PPFIA2: variants seen among roughly 807,000 people sequenced by gnomAD.
The protein encoded by PPFIA2 is PPFI scaffold protein A2.
Under a neutral mutation model 175.5 loss-of-function variants are expected in PPFIA2, and 46 were observed. The observed-to-expected ratio is 0.26, with a 90% confidence interval of 0.21 to 0.34. PPFIA2 has a LOEUF of 0.34. Ranked by LOEUF, PPFIA2 falls within the 10% of genes least tolerant of loss-of-function variation. The pLI is 1.00. For missense variants in PPFIA2, 1,179 were observed against 1,506.1 expected (o/e 0.78, Z 3.60); for synonymous variants, 568 against 511.4 (o/e 1.11, Z -1.49).
chr12:81,267,292 T>C (rs750455665), intron 29 of PPFIA2: 4 of 482,980 alleles, frequency 8.3e-6, no homozygotes, highest in Non-Finnish European at 1.5e-5. Flanking sequence ...TATATTTCAA[T>C]TGAGTATTTT....
intron 3 of PPFIA2, among the ~76,000 whole-genome samples, chr12:81,724,969 C>T (rs2079861248): frequency 6.6e-6 from 1 of 151,012 alleles, no homozygotes; most frequent in African/African-American, 2.4e-5. Flanking sequence ...GGTCCTTTTT[C>T]TCCACACCCT....
At chr12:81,388,593 C>T (rs960271399) in intron 8 of PPFIA2, among the ~76,000 whole-genome samples, 1 of 151,894 alleles carries the variant, frequency 6.6e-6, no homozygotes, top group Non-Finnish European at 1.5e-5. Context: ...TACGGAGGCA[C>T]ATATATTTAT....
chr12:81,276,237 G>A (rs899409792), intron 28 of PPFIA2, among the ~76,000 whole-genome samples: 11 of 152,160 alleles, frequency 7.2e-5, no homozygotes, highest in African/African-American at 2.7e-4. Flanking sequence ...TGAACACAGA[G>A]TATGCAGTGA....
chr12:81,595,517 T>C (rs1011738639), intron 4 of PPFIA2, among the ~76,000 whole-genome samples: 1 of 152,024 alleles, frequency 6.6e-6, no homozygotes, highest in Non-Finnish European at 1.5e-5. Context: ...CACCTCTGAG[T>C]AGAAAACTGC....
chr12:81,498,145 T>C (rs909146540), intron 4 of PPFIA2, among the ~76,000 whole-genome samples: 1 of 152,226 alleles, frequency 6.6e-6, no homozygotes, highest in African/African-American at 2.4e-5. Flanking sequence ...TAATTTTAGA[T>C]GTATAAAAGA....
intron 4 of PPFIA2, among the ~76,000 whole-genome samples, chr12:81,622,242 C>A (rs1273367935): frequency 2.0e-5 from 3 of 152,146 alleles, no homozygotes; most frequent in Non-Finnish European, 4.4e-5. Flanking sequence ...TGACAAATTA[C>A]CACATAATAA....
At chr12:81,549,584 G>C (rs913481516) in intron 4 of PPFIA2, among the ~76,000 whole-genome samples, 5 of 151,796 alleles carry the variant, frequency 3.3e-5, no homozygotes, top group Admixed American at 2.6e-4. Flanking sequence ...CAACCTGGTC[G>C]CTCCAATGTT....
chr12:81,534,563 G>T (rs762559824), intron 4 of PPFIA2, among the ~76,000 whole-genome samples: 1 of 151,550 alleles, frequency 6.6e-6, no homozygotes, highest in Non-Finnish European at 1.5e-5. Flanking sequence ...TTTTAAAAAA[G>T]ACTATAAGGG....
At chr12:81,607,950 T>C (rs2060499117) in intron 4 of PPFIA2, among the ~76,000 whole-genome samples, 1 of 152,124 alleles carries the variant, frequency 6.6e-6, no homozygotes, top group African/African-American at 2.4e-5. Context: ...TGGCTCTTCT[T>C]ATTTTGAGGT....
intron 4 of PPFIA2, among the ~76,000 whole-genome samples, chr12:81,632,886 G>A (rs879853250): frequency 1.3e-5 from 2 of 151,890 alleles, no homozygotes; most frequent in African/African-American, 2.4e-5. Context: ...TGTGGACCCT[G>A]GCATTCTGAT....
At chr12:81,424,211 A>C (rs2046769046) in intron 7 of PPFIA2, among the ~76,000 whole-genome samples, 1 of 152,090 alleles carries the variant, frequency 6.6e-6, no homozygotes. Context: ...ATTTTGATTG[A>C]ATTACACCTA....
chr12:81,417,837 A>C (rs2143448100), intron 7 of PPFIA2, among the ~76,000 whole-genome samples: 1 of 151,910 alleles, frequency 6.6e-6, no homozygotes, highest in South Asian at 2.1e-4. Context: ...GAATAGTGAT[A>C]ATTCTATTTG....
chr12:81,512,664 T>TACA (rs2061941126), intron 4 of PPFIA2, among the ~76,000 whole-genome samples: 1 of 152,020 alleles, frequency 6.6e-6, no homozygotes, highest in African/African-American at 2.4e-5. Flanking sequence ...ATACTCAATA[T>TACA]GTAGTCTTTT....
intron 8 of PPFIA2, among the ~76,000 whole-genome samples, chr12:81,398,247 G>T (rs188920923): frequency 1.3e-5 from 2 of 152,004 alleles, no homozygotes; most frequent in East Asian, 3.9e-4. Context: ...AAAATTTGCT[G>T]GGGAAATATA....
intron 7 of PPFIA2, among the ~76,000 whole-genome samples, chr12:81,428,869 C>A (rs1206259511): frequency 1.3e-5 from 2 of 152,008 alleles, no homozygotes; most frequent in East Asian, 3.9e-4. Flanking sequence ...TAGCATCAGA[C>A]AGTTTTGCAT....
chr12:81,753,138 T>A (rs560833926), intron 3 of PPFIA2, among the ~76,000 whole-genome samples: 22 of 152,256 alleles, frequency 1.4e-4, no homozygotes, highest in African/African-American at 5.3e-4. Flanking sequence ...TTTCACCATG[T>A]TGCCCAGGCT....
intron 28 of PPFIA2, among the ~76,000 whole-genome samples, chr12:81,270,141 T>C (rs144370917): frequency 4.5e-4 from 69 of 152,368 alleles, no homozygotes; most frequent in Admixed American, 5.9e-4. Context: ...TATTTACATG[T>C]TGCAGTAGAA....
At chr12:81,644,575 G>GT (rs2065797571) in intron 4 of PPFIA2, among the ~76,000 whole-genome samples, 1 of 151,652 alleles carries the variant, frequency 6.6e-6, no homozygotes, top group South Asian at 2.1e-4. Flanking sequence ...TACCTTTTTA[G>GT]TTTTTTCTTC....
chr12:81,512,226 C>T (rs1344762148), intron 4 of PPFIA2: 25 of 925,124 alleles, frequency 2.7e-5, no homozygotes, highest in Non-Finnish European at 3.3e-5. Flanking sequence ...AGTCCCTTAA[C>T]GGCTCCCTAA....
Sources: allele counts gnomAD v4.1 joint callset (sites outside exome capture counted in the v4.1 genomes callset), GRCh38; gene constraint gnomAD v4.1.1; transcripts MANE v1.5; gene names NCBI Gene and HGNC (gene_info 2026-07-23, HGNC 2026-07-21).